The following PRIM2 variants were observed in gnomAD, a reference collection of about 807,000 sequenced individuals.
PRIM2 encodes the protein DNA primase subunit 2.
A neutral mutation model predicts 67.3 loss-of-function variants in PRIM2; 39 were observed. The ratio of observed to expected loss-of-function variants is 0.58; its 90% CI spans 0.45 to 0.76. The LOEUF (loss-of-function observed/expected upper bound fraction) is 0.76. Ranked by LOEUF, PRIM2 falls within the 30% of genes least tolerant of loss-of-function variation. The probability of loss-of-function intolerance (pLI) is 0.00; values close to 1 mark genes in which losing one functional copy is unlikely to be tolerated. For synonymous variants in PRIM2, 143 were observed against 198.7 expected, an observed-to-expected ratio of 0.72 and a Z score of 2.36; for missense variants, 398 against 598.7, an observed-to-expected ratio of 0.66 and a Z score of 3.50.
intron 13 of PRIM2, among the ~76,000 whole-genome samples, chr6:57,640,309 C>G (rs1415144106): frequency 6.6e-6 from 1 of 152,172 alleles, no homozygotes; most frequent in Non-Finnish European, 1.5e-5. Context: ...TGGAAGCATT[C>G]CCTTTGAAAA....
chr6:57,445,026 C>G (rs1262312887), intron 7 of PRIM2, among the ~76,000 whole-genome samples: 1 of 152,090 alleles, frequency 6.6e-6, no homozygotes, highest in African/African-American at 2.4e-5. Flanking sequence ...AGAGAGTGAA[C>G]ATTTATAACA....
chr6:57,269,442 G>C, the PRIM2 span, among the ~76,000 whole-genome samples: 1 of 152,098 alleles, frequency 6.6e-6, no homozygotes, highest in South Asian at 2.1e-4. Flanking sequence ...CTTTTGAGAA[G>C]TGTCTGTTCA....
chr6:57,274,335 C>T, the PRIM2 span, among the ~76,000 whole-genome samples: 1 of 152,242 alleles, frequency 6.6e-6, no homozygotes, highest in Non-Finnish European at 1.5e-5. Flanking sequence ...TGGCGGGTGC[C>T]CCTCCCCCAG....
chr6:57,602,983 T>TA (rs1208187364), intron 11 of PRIM2, among the ~76,000 whole-genome samples: 1 of 152,194 alleles, frequency 6.6e-6, no homozygotes, highest in Non-Finnish European at 1.5e-5. Context: ...GTACATGTGT[T>TA]ACAATTGATG....
chr6:57,450,829 C>G (rs1772520345), intron 7 of PRIM2, among the ~76,000 whole-genome samples: 1 of 152,144 alleles, frequency 6.6e-6, no homozygotes, highest in Non-Finnish European at 1.5e-5. Context: ...ATATACTATA[C>G]TTTAGTATAC....
chr6:57,290,034 G>A, the PRIM2 span, among the ~76,000 whole-genome samples: 35 of 151,874 alleles, frequency 2.3e-4, no homozygotes, highest in Middle Eastern at 3.4e-3. Context: ...AAGACCCATC[G>A]GTGTGCTGTA....
Position 57,614,723 on chromosome 6 carries a change from G to T in PRIM2, c.1230+8266G>T, listed in dbSNP as rs1426521874. Reference sequence around the variant, plus strand: ...AAATTAGCCGGGCGTGCTAGCGGGCGCCTGTAGTCCCAGCTACTTGGGAGG... The same window carrying T: ...AAATTAGCCGGGCGTGCTAGCGGGCTCCTGTAGTCCCAGCTACTTGGGAGG... On this transcript the variant is annotated intron_variant, in intron 12 of 13. Coordinates refer to ENST00000615550, the MANE Select transcript of PRIM2 (RefSeq NM_000947.5). Among the ~76,000 whole-genome samples the T allele has an allele frequency of 2.0e-5, 3 of 152,356 alleles. No homozygotes were observed. In the South Asian group the frequency reaches 6.2e-4, roughly 32 times the overall value.
At chr6:57,573,013 G>A (rs1775890716) in intron 10 of PRIM2, among the ~76,000 whole-genome samples, 1 of 152,186 alleles carries the variant, frequency 6.6e-6, no homozygotes, top group Non-Finnish European at 1.5e-5. Flanking sequence ...CACAGTCATA[G>A]AGTAACCTCA....
At chr6:57,239,917 A>G in the PRIM2 span, among the ~76,000 whole-genome samples, 4 of 152,294 alleles carry the variant, frequency 2.6e-5, no homozygotes, top group Non-Finnish European at 5.9e-5. Context: ...AATGTTATGC[A>G]CCATGCTAAC....
At chr6:57,365,916 T>A (rs1433975771) in intron 5 of PRIM2, among the ~76,000 whole-genome samples, 1 of 137,476 alleles carries the variant, frequency 7.3e-6, no homozygotes, top group Admixed American at 7.9e-5. Flanking sequence ...TAGTGAGCTG[T>A]TCCAGCCTGA....
chr6:57,267,761 T>A, the PRIM2 span, among the ~76,000 whole-genome samples: 2 of 150,112 alleles, frequency 1.3e-5, no homozygotes, highest in African/African-American at 2.4e-5. Context: ...AATTTTAAAA[T>A]TAGCTAGGCA....
chr6:57,235,315 T>C, the PRIM2 span, among the ~76,000 whole-genome samples: 1 of 151,948 alleles, frequency 6.6e-6, no homozygotes, highest in South Asian at 2.1e-4. Flanking sequence ...ATGCAAAAAA[T>C]TAGCCAGGTT....
intron 7 of PRIM2, among the ~76,000 whole-genome samples, chr6:57,503,869 AAGGTT>A (rs1774197745): frequency 6.6e-6 from 1 of 152,212 alleles, no homozygotes; most frequent in African/African-American, 2.4e-5. Flanking sequence ...CCCTTTACCA[AAGGTT>A]AGGGAAGGCC....
chr6:57,440,733 A>G (rs1443932545), intron 7 of PRIM2, among the ~76,000 whole-genome samples: 5 of 152,194 alleles, frequency 3.3e-5, no homozygotes, highest in Non-Finnish European at 7.3e-5. Context: ...TCAGCTAACA[A>G]GGTTTTACAG....
intron 7 of PRIM2, among the ~76,000 whole-genome samples, chr6:57,441,220 C>T (rs1772194127): frequency 6.6e-6 from 1 of 152,156 alleles, no homozygotes; most frequent in Non-Finnish European, 1.5e-5. Context: ...AAGAAGATAA[C>T]CCCCTTGCTA....
chr6:57,645,061 T>G (rs1777310770), intron 13 of PRIM2, among the ~76,000 whole-genome samples: 1 of 152,204 alleles, frequency 6.6e-6, no homozygotes, highest in South Asian at 2.1e-4. Context: ...AAGATTAGAA[T>G]GAAGAATTAC....
At chr6:57,384,052 C>T (rs1770051200) in intron 7 of PRIM2, among the ~76,000 whole-genome samples, 1 of 152,154 alleles carries the variant, frequency 6.6e-6, no homozygotes, top group Admixed American at 6.5e-5. Flanking sequence ...CATAGCTTGC[C>T]CAATGTTTCA....
intron 7 of PRIM2, among the ~76,000 whole-genome samples, chr6:57,412,028 T>C (rs1339757629): frequency 1.3e-5 from 2 of 150,848 alleles, no homozygotes; most frequent in Non-Finnish European, 3.0e-5. Flanking sequence ...ATTTTTAATA[T>C]TAAGATTTTT....
At chr6:57,330,159 T>G (rs953997072) in intron 5 of PRIM2, among the ~76,000 whole-genome samples, 6 of 151,526 alleles carry the variant, frequency 4.0e-5, no homozygotes, top group Non-Finnish European at 7.4e-5. Context: ...TTCTATTTAT[T>G]TAGATCTTCT....
Sources: gnomAD v4.1 joint callset for allele counts (sites outside exome capture counted in the v4.1 genomes callset) on GRCh38, gnomAD v4.1.1 for gene constraint, MANE v1.5 for transcripts, NCBI Gene and HGNC (gene_info 2026-07-23, HGNC 2026-07-21) for gene names.